CCDC102B: variants seen among roughly 807,000 people sequenced by gnomAD.
CCDC102B encodes the protein coiled-coil domain-containing protein 102B.
Under a neutral mutation model 57.4 loss-of-function variants are expected in CCDC102B, and 75 were observed. That is an observed-to-expected ratio of 1.31 (90% CI 1.08 to 1.58). The LOEUF is 1.58. Ranked by LOEUF, CCDC102B falls within the 40% of genes most tolerant of loss-of-function variation. CCDC102B has a pLI of 0.00. For synonymous variants in CCDC102B, 206 were observed against 201.9 expected (o/e 1.02, Z -0.17); for missense variants, 636 against 582.6 (o/e 1.09, Z -0.94).
intron 6 of CCDC102B, among the ~76,000 whole-genome samples, chr18:68,922,241 CAT>C (rs2041307601): frequency 6.6e-6 from 1 of 152,186 alleles, no homozygotes; most frequent in Non-Finnish European, 1.5e-5. Flanking sequence ...TTGATGACTA[CAT>C]ATCTTTCTCC....
intron 6 of CCDC102B, among the ~76,000 whole-genome samples, chr18:68,948,422 C>G (rs534288745): frequency 2.8e-4 from 43 of 152,206 alleles, no homozygotes; most frequent in African/African-American, 9.9e-4. Flanking sequence ...CACATGCTAT[C>G]TTTATTATCA....
At chr18:68,762,121 T>G (rs1599423427) in intron 2 of CCDC102B, among the ~76,000 whole-genome samples, 1 of 152,214 alleles carries the variant, frequency 6.6e-6, no homozygotes, top group East Asian at 1.9e-4. Context: ...TCAACCATGG[T>G]TTGAAAATAT....
intron 6 of CCDC102B, among the ~76,000 whole-genome samples, chr18:68,968,005 G>T (rs994039650): frequency 6.6e-6 from 1 of 151,960 alleles, no homozygotes; most frequent in Admixed American, 6.6e-5. Context: ...AATTCATAAG[G>T]CAAATGGAAA....
intron 1 of CCDC102B, among the ~76,000 whole-genome samples, chr18:68,803,995 G>A (rs1599484975): frequency 6.6e-6 from 1 of 152,264 alleles, no homozygotes; most frequent in East Asian, 1.9e-4. Context: ...GCTGTGCTGT[G>A]GAGAACATAC....
chr18:68,968,669 A>G (rs1283993493), intron 6 of CCDC102B, among the ~76,000 whole-genome samples: 1 of 152,172 alleles, frequency 6.6e-6, no homozygotes, highest in African/African-American at 2.4e-5. Flanking sequence ...TTGTATAATC[A>G]TAACTTTATA....
intron 6 of CCDC102B, among the ~76,000 whole-genome samples, chr18:68,970,279 G>A (rs1342354856): frequency 6.6e-6 from 1 of 151,880 alleles, no homozygotes; most frequent in East Asian, 1.9e-4. Flanking sequence ...ATATAGCTGA[G>A]ACTGTTTTAA....
rs2038728104 is a variant in CCDC102B at position 68,861,050 on chromosome 18, G to C, written c.937-13619G>C. On this transcript the variant is annotated intron_variant, in intron 4 of 7. Transcript: ENST00000360242. ...GTCACTATTAGCTGTCTGACTCTAG[G>C]CAAACAGTGCATGTTAACAGTTGTG... is the stretch of plus-strand genomic sequence containing the variant. Among the ~76,000 whole-genome samples the C allele has an allele frequency of 1.3e-5, 2 of 149,746 alleles. 1 individual carries two copies. Among genetic ancestry groups the C allele is most frequent in the South Asian group, 4.3e-4 (2 of 4,652 alleles).
At chr18:69,005,642 A>C (rs2051320909) in intron 6 of CCDC102B, among the ~76,000 whole-genome samples, 1 of 151,866 alleles carries the variant, frequency 6.6e-6, no homozygotes, top group Admixed American at 6.5e-5. Flanking sequence ...TTGATGTATC[A>C]TATTACAATT....
chr18:68,769,201 C>T (rs904547853), intron 2 of CCDC102B, among the ~76,000 whole-genome samples: 2 of 149,844 alleles, frequency 1.3e-5, no homozygotes, highest in African/African-American at 2.5e-5. Context: ...TGCGGTGAGC[C>T]GAAATCGTGC....
intron 6 of CCDC102B, 126 bp downstream of exon 6, chr18:68,897,554 A>G (rs2040288366): frequency 2.6e-6 from 4 of 1,558,882 alleles, no homozygotes; most frequent in Non-Finnish European, 3.5e-6. Context: ...AATACCTGAT[A>G]CTCCTTGCTC....
intron 6 of CCDC102B, among the ~76,000 whole-genome samples, chr18:68,925,391 C>A (rs1262658966): frequency 6.6e-6 from 1 of 152,016 alleles, no homozygotes; most frequent in Non-Finnish European, 1.5e-5. Flanking sequence ...GGGCTAGAAC[C>A]ACAGCACACC....
chr18:68,797,903 TG>T (rs2035689239), upstream of CCDC102B, among the ~76,000 whole-genome samples: 1 of 152,086 alleles, frequency 6.6e-6, no homozygotes, highest in Non-Finnish European at 1.5e-5. Flanking sequence ...AATGGTTGTA[TG>T]GAAAGCTTTG....
At chr18:68,721,632 A>G (rs367977197) in intron 2 of CCDC102B, 1 of 152,238 alleles carries the variant, frequency 6.6e-6, no homozygotes, top group South Asian at 2.1e-4. Context: ...AGAGGATGAA[A>G]ATATACTATT....
At chr18:69,033,868 A>T (rs1447594818) in intron 7 of CCDC102B, among the ~76,000 whole-genome samples, 1 of 152,026 alleles carries the variant, frequency 6.6e-6, no homozygotes, top group Non-Finnish European at 1.5e-5. Context: ...GTTAGAGTTC[A>T]TCTTTTTTAC....
intron 1 of CCDC102B, among the ~76,000 whole-genome samples, chr18:68,834,572 A>G (rs2037285553): frequency 6.6e-6 from 1 of 150,998 alleles, no homozygotes; most frequent in African/African-American, 2.4e-5. Context: ...GGAACAAAAC[A>G]CTCCAAATCA....
intron 5 of CCDC102B, among the ~76,000 whole-genome samples, chr18:68,893,625 T>C (rs1446795338): frequency 6.6e-6 from 1 of 152,154 alleles, no homozygotes; most frequent in Non-Finnish European, 1.5e-5. Flanking sequence ...GGTGCTGGGC[T>C]TATGAGCAAA....
intron 2 of CCDC102B, among the ~76,000 whole-genome samples, chr18:68,763,762 CAGACAAATATTCCTCA>C (rs2034332423): frequency 7.1e-6 from 1 of 140,960 alleles, no homozygotes; most frequent in African/African-American, 2.9e-5. Context: ...TTCCTCAATA[CAGACAAATATTCCTCA>C]ATACAGCAGT....
At chr18:68,744,920 G>A (rs888788760) in intron 2 of CCDC102B, among the ~76,000 whole-genome samples, 1 of 152,164 alleles carries the variant, frequency 6.6e-6, no homozygotes, top group African/African-American at 2.4e-5. Context: ...ATCCAGTCAA[G>A]ACTGAAGTTG....
intron 5 of CCDC102B, among the ~76,000 whole-genome samples, chr18:68,889,734 C>G (rs138599790): frequency 2.6e-5 from 4 of 152,018 alleles, no homozygotes; most frequent in African/African-American, 2.4e-5. Flanking sequence ...CCACCGGGCC[C>G]GGCCAAATTA....
Sources: gnomAD v4.1 joint callset for allele counts (sites outside exome capture counted in the v4.1 genomes callset) on GRCh38, gnomAD v4.1.1 for gene constraint, MANE v1.5 for transcripts, NCBI Gene and HGNC (gene_info 2026-07-23, HGNC 2026-07-21) for gene names.